CDK6: variants seen among roughly 807,000 people sequenced by gnomAD.
The protein encoded by CDK6 is cyclin dependent kinase 6, also known as cyclin-dependent kinase 6.
In CDK6, 6 loss-of-function variants were observed where a neutral mutation model predicts 37.1. That is an observed-to-expected ratio of 0.16 (90% CI 0.09 to 0.32). The LOEUF is 0.32. Ranked by LOEUF, CDK6 falls within the 10% of genes least tolerant of loss-of-function variation. The pLI, the probability that CDK6 is intolerant of heterozygous loss-of-function variation, is 1.00. For missense variants in CDK6, 224 were observed against 418.9 expected, an observed-to-expected ratio of 0.53 and a Z score of 4.06; for synonymous variants, 160 against 161.3, an observed-to-expected ratio of 0.99 and a Z score of 0.06.
rs775451554 is a variant in CDK6 at position 92,833,240 on chromosome 7, G to A, written c.84C>T (p.Phe28=). Residue 28 remains phenylalanine, a synonymous_variant, in exon 2 of 8, where the codon TTC becomes TTT. Coordinates refer to ENST00000424848, the MANE Select transcript of CDK6 (RefSeq NM_001145306.2). The surrounding 1 kb of genome is among the most constrained non-coding windows in gnomAD (Gnocchi z 6.1). The part of the protein sequence containing the change: ...EIGEGAYGKV[F]KARDLKNGGR... Reference sequence around the variant, plus strand: ...CTCCGTTCTTCAAGTCGCGGGCCTTGAACACCTTCCCATAGGCGCCCTCCC... The same window carrying A: ...CTCCGTTCTTCAAGTCGCGGGCCTTAAACACCTTCCCATAGGCGCCCTCCC... 6.2e-7 allele frequency: 1 copy of A among 1,610,836 alleles called. No homozygotes were observed. The highest frequency in any genetic ancestry group is 1.1e-5 in the South Asian group (1 of 90,506).
intron 2 of CDK6, among the ~76,000 whole-genome samples, chr7:92,784,189 G>A (rs943988815): frequency 1.3e-5 from 2 of 152,128 alleles, no homozygotes; most frequent in African/African-American, 4.8e-5. Context: ...TTGGAATTAA[G>A]TGAACTCCAA....
intron 5 of CDK6, among the ~76,000 whole-genome samples, chr7:92,665,633 A>G (rs1482076505): frequency 6.6e-6 from 1 of 152,230 alleles, no homozygotes; most frequent in African/African-American, 2.4e-5. Context: ...CCTCTTAATA[A>G]TATGACAGAG....
At chr7:92,756,182 C>T (rs896472524) in intron 3 of CDK6, among the ~76,000 whole-genome samples, 1 of 150,596 alleles carries the variant, frequency 6.6e-6, no homozygotes, top group Non-Finnish European at 1.5e-5. Flanking sequence ...AAAAAAAGAC[C>T]CAGCAAAAAA....
chr7:92,705,131 T>G (rs1208300164), intron 4 of CDK6, among the ~76,000 whole-genome samples: 1 of 152,234 alleles, frequency 6.6e-6, no homozygotes, highest in Non-Finnish European at 1.5e-5. Flanking sequence ...CATTCTTTCT[T>G]GCATCTCGGG....
At chr7:92,741,487 T>C (rs1798925022) in intron 3 of CDK6, among the ~76,000 whole-genome samples, 1 of 152,218 alleles carries the variant, frequency 6.6e-6, no homozygotes. Context: ...CTGGCAATTT[T>C]AGTCTGAATA....
intron 4 of CDK6, among the ~76,000 whole-genome samples, chr7:92,689,917 T>C (rs984947717): frequency 2.6e-5 from 4 of 152,226 alleles, no homozygotes; most frequent in Admixed American, 2.0e-4. Flanking sequence ...GTTGGCTGCA[T>C]GTACGTCTTC....
At chr7:92,702,580 T>C (rs1430343744) in intron 4 of CDK6, among the ~76,000 whole-genome samples, 1 of 152,160 alleles carries the variant, frequency 6.6e-6, no homozygotes. Context: ...TAACTAGGCA[T>C]TGATGAGAAT....
chr7:92,737,353 G>A (rs1028864018), intron 3 of CDK6, among the ~76,000 whole-genome samples: 2 of 152,142 alleles, frequency 1.3e-5, no homozygotes, highest in African/African-American at 2.4e-5. Flanking sequence ...TATGTGGTCT[G>A]TTCTTAATTT....
At chr7:92,746,196 A>G (rs1799053326) in intron 3 of CDK6, among the ~76,000 whole-genome samples, 1 of 152,132 alleles carries the variant, frequency 6.6e-6, no homozygotes, top group African/African-American at 2.4e-5. Context: ...CATTTTTTCC[A>G]TTATAATTAA....
At chr7:92,770,587 CTT>C (rs1799688721) in intron 3 of CDK6, among the ~76,000 whole-genome samples, 1 of 152,000 alleles carries the variant, frequency 6.6e-6, no homozygotes, top group African/African-American at 2.4e-5. Flanking sequence ...ACAAATGGCA[CTT>C]AAGTGCACTT....
At position 92,659,607 on chromosome 7, in the gene CDK6, G is replaced by GACACAC. The variant is rs71722069; in HGVS notation, c.647+11813_647+11818dup. ...AATAGCAGGGTAGAGAAGTAGGCATGACACACACACACACACACACACACA... is the reference window on the plus strand; with the variant it reads ...AATAGCAGGGTAGAGAAGTAGGCATGACACACACACACACACACACACACACACACA... On this transcript the variant is annotated intron_variant, in intron 5 of 7. Transcript: ENST00000424848. Among the ~76,000 whole-genome samples, 664 of 146,096 alleles carry GACACAC rather than the reference G, an allele frequency of 4.5e-3. 3 individuals are homozygous for GACACAC. Among genetic ancestry groups the GACACAC allele is most frequent in the African/African-American group, 0.015 (610 of 40,184 alleles).
chr7:92,717,127 G>C (rs888674233), intron 4 of CDK6, among the ~76,000 whole-genome samples: 1 of 151,948 alleles, frequency 6.6e-6, no homozygotes, highest in Admixed American at 6.6e-5. Context: ...CAAGAGGATT[G>C]CTTGAGGAAT....
At chr7:92,623,684 T>A (rs1795859297) in intron 5 of CDK6, among the ~76,000 whole-genome samples, 1 of 152,290 alleles carries the variant, frequency 6.6e-6, no homozygotes, top group East Asian at 1.9e-4. Flanking sequence ...CACACAGCCT[T>A]CCTTGTCTAC....
intron 3 of CDK6, among the ~76,000 whole-genome samples, chr7:92,767,893 C>T (rs1340127507): frequency 2.0e-5 from 3 of 151,964 alleles, no homozygotes; most frequent in South Asian, 2.1e-4. Context: ...AGTTTGGATG[C>T]CTGTTTTTTA....
chr7:92,658,363 T>C (rs1461659054), intron 5 of CDK6, among the ~76,000 whole-genome samples: 1 of 152,176 alleles, frequency 6.6e-6, no homozygotes, highest in Non-Finnish European at 1.5e-5. Context: ...AAAAAACCCC[T>C]AAATGTCCAT....
Position 92,833,311 on chromosome 7 carries a change from C to A in CDK6, c.13G>T (p.Gly5Cys), listed in dbSNP as rs576150359. 2 of 1,593,328 alleles carry A rather than the reference C, an allele frequency of 1.3e-6. No homozygotes were observed. The highest frequency in any genetic ancestry group is 1.7e-6 in the Non-Finnish European group (2 of 1,172,578). The change falls in exon 2 of 8, where the codon GGC (glycine) becomes TGC (cysteine). Residue 5 changes from glycine (G) to cysteine (C), a missense_variant. Physicochemically the swap from Gly to Cys is radical, Grantham distance 159. This residue lies in a region of CDK6 where 18 missense variants were observed against 18.5 expected (regional missense o/e 0.97). Coordinates refer to ENST00000424848, the MANE Select transcript of CDK6 (RefSeq NM_001145306.2). This position sits in a 1 kb window ranked among gnomAD's most constrained non-coding sequence, Gnocchi z 6.1. MEKD[G>C]LCRADQQYEC... ...TACTGCTGGTCAGCGCGGCACAGGCCGTCCTTCTCCATGCCGCCTGGACGC... is the reference window on the plus strand; with the variant it reads ...TACTGCTGGTCAGCGCGGCACAGGCAGTCCTTCTCCATGCCGCCTGGACGC...
chr7:92,642,563 A>T (rs1369580498), intron 5 of CDK6, among the ~76,000 whole-genome samples: 1 of 152,208 alleles, frequency 6.6e-6, no homozygotes, highest in Non-Finnish European at 1.5e-5. Context: ...GAAAAGTGAT[A>T]CACCAAGGTA....
intron 3 of CDK6, among the ~76,000 whole-genome samples, chr7:92,742,028 G>T (rs972528555): frequency 6.6e-6 from 1 of 151,984 alleles, no homozygotes; most frequent in African/African-American, 2.4e-5. Context: ...AGCTAGAAGT[G>T]GTGCTGACAG....
At chr7:92,649,119 T>G (rs2116553919) in intron 5 of CDK6, among the ~76,000 whole-genome samples, 1 of 152,248 alleles carries the variant, frequency 6.6e-6, no homozygotes, top group East Asian at 1.9e-4. Flanking sequence ...AATTCAAAAT[T>G]TACATTAATA....
Sources: allele counts gnomAD v4.1 joint callset (sites outside exome capture counted in the v4.1 genomes callset), GRCh38; gene constraint gnomAD v4.1.1; regional missense constraint gnomAD v4.1.1; non-coding constraint Gnocchi (gnomAD v3.1); transcripts MANE v1.5; gene names NCBI Gene and HGNC (gene_info 2026-07-23, HGNC 2026-07-21).